Variants in EPN2 observed in about 807,000 individuals in gnomAD.
EPN2 encodes the protein epsin 2.
EPN2 carries 34 observed loss-of-function variants against 61.7 expected under a neutral mutation model. The ratio of observed to expected loss-of-function variants is 0.55; its 90% CI spans 0.42 to 0.73. The LOEUF is 0.73. Among genes scored for constraint, EPN2 ranks in the 30% least tolerant of loss-of-function variants. EPN2 has a pLI of 0.00. For synonymous variants in EPN2, 349 were observed against 353.6 expected (o/e 0.99, Z 0.15); for missense variants, 714 against 839.2 (o/e 0.85, Z 1.84).
intron 1 of EPN2, among the ~76,000 whole-genome samples, chr17:19,252,454 A>G (rs1438801709): frequency 6.6e-6 from 1 of 152,198 alleles, no homozygotes; most frequent in South Asian, 2.1e-4. Flanking sequence ...GTGAACTCCC[A>G]TCACTTAGCT....
chr17:19,288,736 T>C (rs1333491427), intron 4 of EPN2, among the ~76,000 whole-genome samples: 1 of 152,212 alleles, frequency 6.6e-6, no homozygotes, highest in East Asian at 1.9e-4. Flanking sequence ...CTTGAATTCC[T>C]AGTCCATCCA....
At chr17:19,272,466 A>G (rs911880726) in intron 1 of EPN2, among the ~76,000 whole-genome samples, 2 of 151,994 alleles carry the variant, frequency 1.3e-5, no homozygotes. Flanking sequence ...CACCATGGAG[A>G]TGGCAGGGAA....
At chr17:19,299,579 C>T (rs181050934) in intron 4 of EPN2, among the ~76,000 whole-genome samples, 2 of 152,352 alleles carry the variant, frequency 1.3e-5, no homozygotes, top group Admixed American at 1.3e-4. Context: ...GAAAAAGCTG[C>T]TTAGTGTTTT....
chr17:19,293,017 T>C (rs2045479752), intron 4 of EPN2, among the ~76,000 whole-genome samples: 1 of 152,230 alleles, frequency 6.6e-6, no homozygotes, highest in Admixed American at 6.5e-5. Context: ...TGTACACCTA[T>C]TACAATTTTA....
At chr17:19,238,715 G>A (rs2044846720) in intron 1 of EPN2, among the ~76,000 whole-genome samples, 1 of 152,146 alleles carries the variant, frequency 6.6e-6, no homozygotes, top group Admixed American at 6.5e-5. Context: ...ATCTTTTAGG[G>A]AGATGTTCAG....
intron 4 of EPN2, among the ~76,000 whole-genome samples, chr17:19,304,655 C>G (rs1237425174): frequency 3.9e-5 from 6 of 152,198 alleles, no homozygotes; most frequent in Non-Finnish European, 7.3e-5. Flanking sequence ...CACTCCTGAC[C>G]CCTTGGTAGG....
Position 19,300,427 on chromosome 17 carries a change from CTTT to C in EPN2, c.767-9441_767-9439del, listed in dbSNP as rs72338416. Among the ~76,000 whole-genome samples, 10 of 108,926 alleles carry C rather than the reference CTTT, an allele frequency of 9.2e-5. No homozygotes were observed. The East Asian group carries it at 2.4e-3, about 27-fold the overall frequency. 71.5% of individuals were successfully genotyped at this position (108,926 alleles called of 152,430 possible). A position where few individuals can be genotyped will look rare whatever the true frequency, so the allele number is the denominator to read the frequency against. On this transcript the variant is annotated intron_variant, in intron 4 of 10. Coordinates refer to ENST00000314728, the MANE Select transcript of EPN2 (RefSeq NM_014964.5). Reference sequence around the variant, plus strand: ...TACATAAAAACAATAAACTGTAAATCTTTTTTTTTTTTTTTTTTTGGAGACAGA... The same window carrying C: ...TACATAAAAACAATAAACTGTAAATCTTTTTTTTTTTTTTTTGGAGACAGA...
chr17:19,251,536 C>G (rs1008609924), intron 1 of EPN2, among the ~76,000 whole-genome samples: 1 of 152,172 alleles, frequency 6.6e-6, no homozygotes, highest in East Asian at 1.9e-4. Context: ...CAGGTTCAAG[C>G]GATCCTCTTG....
chr17:19,320,485 C>T (rs1165367348), intron 7 of EPN2, among the ~76,000 whole-genome samples: 1 of 152,110 alleles, frequency 6.6e-6, no homozygotes, highest in Non-Finnish European at 1.5e-5. Flanking sequence ...TCTGGGTGCA[C>T]CCAGAGCTCA....
At chr17:19,294,785 G>C (rs1432936186) in intron 4 of EPN2, among the ~76,000 whole-genome samples, 1 of 152,144 alleles carries the variant, frequency 6.6e-6, no homozygotes, top group African/African-American at 2.4e-5. Context: ...ATCTCTGGGA[G>C]GGCCCCAGGT....
At chr17:19,241,370 G>T (rs1405083338) in intron 1 of EPN2, among the ~76,000 whole-genome samples, 2 of 152,082 alleles carry the variant, frequency 1.3e-5, no homozygotes, top group Non-Finnish European at 2.9e-5. Context: ...GGATCACCCT[G>T]AGGTCAAGGG....
chr17:19,324,854 T>C (rs1278302693), intron 7 of EPN2, among the ~76,000 whole-genome samples: 1 of 150,828 alleles, frequency 6.6e-6, no homozygotes, highest in Admixed American at 6.6e-5. Context: ...TTGAAAAGAG[T>C]AATAGACAAA....
chr17:19,259,712 G>T (rs1031978941), intron 1 of EPN2, among the ~76,000 whole-genome samples: 3 of 152,158 alleles, frequency 2.0e-5, no homozygotes, highest in Non-Finnish European at 4.4e-5. Context: ...ATGAAGGCCA[G>T]GCTTGCCTAG....
At chr17:19,242,299 G>T (rs973641404) in intron 1 of EPN2, among the ~76,000 whole-genome samples, 19 of 152,226 alleles carry the variant, frequency 1.2e-4, no homozygotes, top group Middle Eastern at 3.4e-3. Flanking sequence ...AAATTAGCCG[G>T]GCATAGTGGC....
chr17:19,307,317 CT>C (rs887496029), intron 4 of EPN2, among the ~76,000 whole-genome samples: 31 of 148,032 alleles, frequency 2.1e-4, no homozygotes, highest in African/African-American at 5.7e-4. Flanking sequence ...CTGCAACTTT[CT>C]TTTTTTTTTG....
rs184472059 is a variant in EPN2 at position 19,257,604 on chromosome 17, G to T, written c.-294+20073G>T. Among the ~76,000 whole-genome samples, 374 of 150,388 alleles carry T rather than the reference G, an allele frequency of 2.5e-3. 4 individuals carry two copies. The highest frequency in any genetic ancestry group is 3.1e-3 in the Admixed American group (46 of 15,010). On this transcript the variant is annotated intron_variant, in intron 1 of 10. Transcript: ENST00000314728. The stretch of plus-strand genomic sequence containing the variant: ...GCCATCTTGGCTCACTGCAACTGCC[G>T]CCTCCCGGGTTCAAGTGATTCTCCT...
chr17:19,239,511 G>C (rs2152196314), intron 1 of EPN2, among the ~76,000 whole-genome samples: 1 of 152,258 alleles, frequency 6.6e-6, no homozygotes, highest in South Asian at 2.1e-4. Context: ...TTATTTCCCT[G>C]GTTTTAAAAT....
At chr17:19,259,271 C>T (rs1035165406) in intron 1 of EPN2, among the ~76,000 whole-genome samples, 4 of 146,146 alleles carry the variant, frequency 2.7e-5, no homozygotes, top group East Asian at 2.1e-4. Flanking sequence ...ATGTGAGAGT[C>T]GTAGGTTATT....
chr17:19,330,366 C>G (rs929851652), intron 9 of EPN2, among the ~76,000 whole-genome samples: 4 of 152,152 alleles, frequency 2.6e-5, no homozygotes, highest in Non-Finnish European at 5.9e-5. Flanking sequence ...CACCTCTATC[C>G]CAGTCTCTTC....
Sources: allele counts gnomAD v4.1 joint callset (sites outside exome capture counted in the v4.1 genomes callset), GRCh38; gene constraint gnomAD v4.1.1; transcripts MANE v1.5; gene names NCBI Gene and HGNC (gene_info 2026-07-23, HGNC 2026-07-21).